Variants in RBFOX1 observed in about 807,000 individuals in gnomAD.
The protein encoded by RBFOX1 is RNA binding protein fox-1 homolog 1.
A neutral mutation model predicts 57.7 loss-of-function variants in RBFOX1; 8 were observed. The observed-to-expected ratio is 0.14, with a 90% CI of 0.08 to 0.25. RBFOX1 has a LOEUF of 0.25. Ranked by LOEUF, RBFOX1 falls within the 10% of genes least tolerant of loss-of-function variation. RBFOX1 has a pLI of 1.00. For synonymous variants in RBFOX1, 326 were observed against 222.4 expected (o/e 1.47, Z -4.15); for missense variants, 611 against 548.5 (o/e 1.11, Z -1.14).
chr16:5,809,938 A>G (rs990856397), intron 3 of RBFOX1, among the ~76,000 whole-genome samples: 3 of 152,192 alleles, frequency 2.0e-5, no homozygotes, highest in Non-Finnish European at 4.4e-5. Context: ...ATGTCCAACA[A>G]TGATAGACTG....
At chr16:7,682,780 A>C (rs989171910) in intron 14 of RBFOX1, among the ~76,000 whole-genome samples, 6 of 150,928 alleles carry the variant, frequency 4.0e-5, no homozygotes, top group African/African-American at 1.5e-4. Context: ...ACATGTATAA[A>C]CACACACTTT....
intron 1 of RBFOX1, among the ~76,000 whole-genome samples, chr16:6,071,470 C>A (rs933726): frequency 6.6e-6 from 1 of 151,946 alleles, no homozygotes. Flanking sequence ...ACAACAAACC[C>A]CAATAACATG....
chr16:6,859,153 G>A lies in RBFOX1; in HGVS notation c.-15-192904G>A, dbSNP rs28590695. 4.2e-4 allele frequency among the ~76,000 whole-genome samples: 34 copies of A among 81,426 alleles called. 1 individual carries two copies. The highest frequency in any genetic ancestry group is 1.2e-3 in the South Asian group (3 of 2,404). The allele number at this position is 81,426 out of a possible 152,430, so 53.4% of individuals were successfully genotyped here. On this transcript the variant is annotated intron_variant, in intron 3 of 15. Coordinates refer to ENST00000550418, the MANE Select transcript of RBFOX1 (RefSeq NM_018723.4). ...TACATATATATACGTATATATATATGTATATATATACGTATATATATGTAT... is the reference window on the plus strand; with the variant it reads ...TACATATATATACGTATATATATATATATATATATACGTATATATATGTAT...
intron 14 of RBFOX1, among the ~76,000 whole-genome samples, chr16:7,702,335 G>A (rs558323076): frequency 1.8e-4 from 27 of 152,274 alleles, no homozygotes; most frequent in African/African-American, 4.8e-4. Context: ...GTGAGCTTTT[G>A]TCTCCATTCT....
chr16:5,765,121 T>C (rs1166384833), intron 3 of RBFOX1, among the ~76,000 whole-genome samples: 1 of 152,148 alleles, frequency 6.6e-6, no homozygotes, highest in African/African-American at 2.4e-5. Context: ...TTCTAATTAT[T>C]GGGAAGCCCT....
chr16:6,304,162 C>T (rs1463657793), intron 1 of RBFOX1, among the ~76,000 whole-genome samples: 3 of 151,768 alleles, frequency 2.0e-5, no homozygotes, highest in South Asian at 2.1e-4. Flanking sequence ...GTGGCAGGTG[C>T]CTGTAGTCCC....
chr16:7,010,311 G>A (rs1285781849), intron 3 of RBFOX1, among the ~76,000 whole-genome samples: 2 of 152,324 alleles, frequency 1.3e-5, no homozygotes, highest in Non-Finnish European at 1.5e-5. Context: ...GAACACTAGA[G>A]AAAGAACTTA....
intron 1 of RBFOX1, among the ~76,000 whole-genome samples, chr16:6,305,385 C>G (rs2079373850): frequency 1.3e-5 from 2 of 152,118 alleles, no homozygotes; most frequent in African/African-American, 4.8e-5. Context: ...GTGCATGACA[C>G]AGAGTTAACA....
chr16:5,637,502 C>G (rs881006), intron 3 of RBFOX1, among the ~76,000 whole-genome samples: 1 of 152,126 alleles, frequency 6.6e-6, no homozygotes, highest in African/African-American at 2.4e-5. Context: ...AAGCTAATGT[C>G]TATAATGTGC....
At chr16:6,377,776 G>C (rs956941904) in intron 2 of RBFOX1, among the ~76,000 whole-genome samples, 1 of 152,196 alleles carries the variant, frequency 6.6e-6, no homozygotes, top group East Asian at 1.9e-4. Flanking sequence ...AATCAGGAAT[G>C]TAATTTTAGA....
chr16:5,456,203 A>G (rs1400407175), intron 1 of RBFOX1, among the ~76,000 whole-genome samples: 8 of 152,186 alleles, frequency 5.3e-5, no homozygotes, highest in Admixed American at 5.2e-4. Context: ...CCACTAGACA[A>G]AATGTTGAAA....
chr16:6,940,822 A>C (rs1201339998), intron 3 of RBFOX1, among the ~76,000 whole-genome samples: 1 of 117,856 alleles, frequency 8.5e-6, no homozygotes, highest in Admixed American at 8.8e-5. Context: ...AGCTGGGAGT[A>C]CAGGCGCCTG....
chr16:7,133,172 G>C (rs968381982), intron 4 of RBFOX1, among the ~76,000 whole-genome samples: 2 of 152,136 alleles, frequency 1.3e-5, no homozygotes, highest in Non-Finnish European at 2.9e-5. Context: ...TTTAGTATCA[G>C]ATTCTCAATG....
At chr16:5,599,535 G>A (rs559393169) in exon 3 of RBFOX1, 76 of 359,284 alleles carry the variant, frequency 2.1e-4, no homozygotes, top group Non-Finnish European at 3.4e-4. Flanking sequence ...ACCGCCTCTC[G>A]GCAATGCAAT....
intron 3 of RBFOX1, among the ~76,000 whole-genome samples, chr16:5,842,359 T>C (rs989258551): frequency 2.0e-5 from 3 of 152,156 alleles, no homozygotes; most frequent in African/African-American, 2.4e-5. Flanking sequence ...GGAATTTTGT[T>C]CTCTCTGTGG....
At position 6,990,348 on chromosome 16, in the gene RBFOX1, A is replaced by G. The variant is rs750143640; in HGVS notation, c.-15-61709A>G. On this transcript the variant is annotated intron_variant, in intron 3 of 15. Coordinates refer to ENST00000550418, the MANE Select transcript of RBFOX1 (RefSeq NM_018723.4). ...GAGACCAGCCTGGCCAACATGGTGAAACCCCATTTCTACTAAAAATACAAA... is the reference window on the plus strand; with the variant it reads ...GAGACCAGCCTGGCCAACATGGTGAGACCCCATTTCTACTAAAAATACAAA... Among the ~76,000 whole-genome samples, 228 of 152,194 alleles carry G rather than the reference A, an allele frequency of 1.5e-3. 1 individual carries two copies. Among genetic ancestry groups the G allele is most frequent in the Non-Finnish European group, 2.7e-3 (183 of 68,018 alleles).
chr16:7,063,721 C>T (rs760694973), intron 4 of RBFOX1, among the ~76,000 whole-genome samples: 11 of 152,200 alleles, frequency 7.2e-5, no homozygotes, highest in Non-Finnish European at 1.3e-4. Context: ...AAACCCAACA[C>T]ACACCTGGGT....
At chr16:7,174,266 G>T (rs2081246973) in intron 4 of RBFOX1, among the ~76,000 whole-genome samples, 1 of 151,816 alleles carries the variant, frequency 6.6e-6, no homozygotes, top group Non-Finnish European at 1.5e-5. Flanking sequence ...CTTTATTATT[G>T]AGTAATATTC....
At chr16:5,453,442 G>A (rs543960471) in intron 1 of RBFOX1, among the ~76,000 whole-genome samples, 28 of 152,304 alleles carry the variant, frequency 1.8e-4, no homozygotes, top group African/African-American at 6.3e-4. Flanking sequence ...TACTGTAGAA[G>A]GATAGAGGAT....
Sources: gnomAD v4.1 joint callset for allele counts (sites outside exome capture counted in the v4.1 genomes callset) on GRCh38, gnomAD v4.1.1 for gene constraint, MANE v1.5 for transcripts, NCBI Gene and HGNC (gene_info 2026-07-23, HGNC 2026-07-21) for gene names.